GRIK1: variants seen among roughly 807,000 people sequenced by gnomAD.
The protein encoded by GRIK1 is glutamate ionotropic receptor kainate type subunit 1.
GRIK1 carries 69 observed loss-of-function variants against 105.7 expected under a neutral mutation model. That is an observed-to-expected ratio of 0.65 (90% CI 0.54 to 0.80). GRIK1 has a LOEUF of 0.80. Ranked by LOEUF, GRIK1 falls within the 30% of genes least tolerant of loss-of-function variation. GRIK1 has a pLI of 0.00. For synonymous variants in GRIK1, 438 were observed against 431.3 expected (o/e 1.02, Z -0.19); for missense variants, 1,109 against 1,167.3 (o/e 0.95, Z 0.73).
At chr21:29,609,349 A>G (rs1000242067) in intron 7 of GRIK1, among the ~76,000 whole-genome samples, 1 of 152,176 alleles carries the variant, frequency 6.6e-6, no homozygotes, top group African/African-American at 2.4e-5. Flanking sequence ...TTTGTATAAA[A>G]TCAATACAAA....
chr21:29,824,276 A>G (rs1386847316), intron 1 of GRIK1, among the ~76,000 whole-genome samples: 1 of 151,894 alleles, frequency 6.6e-6, no homozygotes, highest in African/African-American at 2.4e-5. Flanking sequence ...CCTCTAAGAC[A>G]TTTTCTGTTT....
At chr21:29,638,546 A>T (rs187684438) in intron 7 of GRIK1, among the ~76,000 whole-genome samples, 97 of 152,322 alleles carry the variant, frequency 6.4e-4, no homozygotes, top group Non-Finnish European at 1.2e-4. Context: ...GCAATACAGA[A>T]ACAAAAGGCT....
intron 7 of GRIK1, among the ~76,000 whole-genome samples, chr21:29,630,147 A>G (rs955300366): frequency 3.3e-5 from 5 of 152,340 alleles, no homozygotes; most frequent in East Asian, 3.9e-4. Context: ...TTTTGAAAAG[A>G]AAGAGAAGCC....
intron 1 of GRIK1, among the ~76,000 whole-genome samples, chr21:29,871,387 C>T (rs922968235): frequency 2.6e-5 from 4 of 152,152 alleles, no homozygotes; most frequent in African/African-American, 9.7e-5. Flanking sequence ...TCATATTCTC[C>T]ACTTACTTTA....
chr21:29,820,332 T>C (rs1197415140), intron 1 of GRIK1, among the ~76,000 whole-genome samples: 1 of 152,108 alleles, frequency 6.6e-6, no homozygotes, highest in Non-Finnish European at 1.5e-5. Context: ...GTAAATCCAG[T>C]GGTCATTTCT....
At chr21:29,762,406 T>G (rs566348690) in intron 1 of GRIK1, among the ~76,000 whole-genome samples, 1 of 152,328 alleles carries the variant, frequency 6.6e-6, no homozygotes, top group South Asian at 2.1e-4. Context: ...AACACTAGGT[T>G]CACTGTCTCA....
chr21:29,543,623 G>T (rs973793384), intron 16 of GRIK1, among the ~76,000 whole-genome samples: 1 of 152,156 alleles, frequency 6.6e-6, no homozygotes, highest in South Asian at 2.1e-4. Context: ...GAATCCTAGA[G>T]GTTGAGTGTT....
intron 1 of GRIK1, among the ~76,000 whole-genome samples, chr21:29,782,521 A>G (rs181641861): frequency 1.3e-5 from 2 of 152,248 alleles, no homozygotes; most frequent in East Asian, 3.9e-4. Context: ...CCCAAGATGG[A>G]GTATCATGAG....
intron 1 of GRIK1, among the ~76,000 whole-genome samples, chr21:29,767,457 G>A (rs973781335): frequency 6.6e-6 from 1 of 151,812 alleles, no homozygotes; most frequent in Non-Finnish European, 1.5e-5. Context: ...CAACCTGTCT[G>A]CATTATGGAA....
chr21:29,542,296 C>A (rs2089984938), intron 16 of GRIK1, among the ~76,000 whole-genome samples: 1 of 151,882 alleles, frequency 6.6e-6, no homozygotes, highest in Admixed American at 6.6e-5. Flanking sequence ...TGGTTTGTTT[C>A]TTTTTTAATT....
intron 1 of GRIK1, among the ~76,000 whole-genome samples, chr21:29,813,913 CTTT>C (rs35127743): frequency 7.1e-5 from 9 of 126,280 alleles, no homozygotes; most frequent in South Asian, 2.6e-4. Context: ...AAGAAACATT[CTTT>C]TTTTTTTTTT....
At chr21:29,717,687 C>T (rs185538307) in intron 1 of GRIK1, among the ~76,000 whole-genome samples, 71 of 152,340 alleles carry the variant, frequency 4.7e-4, no homozygotes, top group Middle Eastern at 3.4e-3. Context: ...TTCACAGGCT[C>T]ATAGTTGGAA....
rs184177462 is a variant in GRIK1 at position 29,634,480 on chromosome 21, G to A, written c.1098+8346C>T. On this transcript the variant is annotated intron_variant, in intron 7 of 17. Transcript: ENST00000327783. ...TAGTTTAAAATTGAGTATTAGTTTA[G>A]CAAAATGTGTTAAGAATTTGCTAGA... Among the ~76,000 whole-genome samples the A allele has an allele frequency of 2.0e-3, 301 of 152,274 alleles. 1 individual carries two copies. Among genetic ancestry groups the A allele is most frequent in the African/African-American group, 6.7e-3 (278 of 41,550 alleles).
intron 1 of GRIK1, among the ~76,000 whole-genome samples, chr21:29,913,652 TTTAAA>T (rs1243498744): frequency 3.4e-5 from 5 of 148,610 alleles, no homozygotes; most frequent in Admixed American, 6.7e-5. Context: ...AAACAGTAGA[TTTAAA>T]TTAAAGAAAC....
intron 1 of GRIK1, among the ~76,000 whole-genome samples, chr21:29,750,699 C>T (rs459986): frequency 0.96 from 146,864 of 152,252 alleles, 71,045 homozygotes; most frequent in East Asian, 1. Flanking sequence ...ATTTGGAGAC[C>T]GTTGAAGAGT....
At chr21:29,840,309 G>T (rs2067940910) in intron 1 of GRIK1, among the ~76,000 whole-genome samples, 1 of 152,072 alleles carries the variant, frequency 6.6e-6, no homozygotes, top group African/African-American at 2.4e-5. Context: ...AAAGTGTTCA[G>T]GAATATTAAA....
chr21:29,711,953 A>G (rs1296512881), intron 1 of GRIK1, among the ~76,000 whole-genome samples: 2 of 151,998 alleles, frequency 1.3e-5, no homozygotes, highest in African/African-American at 2.4e-5. Context: ...GAAAAAAATC[A>G]TCTACAATTC....
chr21:29,648,979 T>C (rs2146548903), intron 6 of GRIK1, among the ~76,000 whole-genome samples: 1 of 152,320 alleles, frequency 6.6e-6, no homozygotes, highest in Non-Finnish European at 1.5e-5. Flanking sequence ...TAGAGGCAAC[T>C]TGACAGCAAA....
intron 1 of GRIK1, among the ~76,000 whole-genome samples, chr21:29,876,128 G>GTT (rs2069183833): frequency 6.6e-6 from 1 of 151,968 alleles, no homozygotes. Flanking sequence ...GTGTGTGTGT[G>GTT]TGTGTGTGTG....
Sources: gnomAD v4.1 joint callset for allele counts (sites outside exome capture counted in the v4.1 genomes callset) on GRCh38, gnomAD v4.1.1 for gene constraint, MANE v1.5 for transcripts, NCBI Gene and HGNC (gene_info 2026-07-23, HGNC 2026-07-21) for gene names.